Variants in GMDS observed in about 807,000 individuals in gnomAD.
GMDS encodes the protein GDP-mannose 4,6 dehydratase.
In GMDS, 20 loss-of-function variants were observed where a neutral mutation model predicts 49.9. The ratio of observed to expected loss-of-function variants is 0.40; its 90% CI spans 0.28 to 0.58. The LOEUF (loss-of-function observed/expected upper bound fraction) is 0.58. GMDS is among the 20% of genes least tolerant of loss of function. The pLI is 0.42. For missense variants in GMDS, 362 were observed against 481.4 expected, an observed-to-expected ratio of 0.75 and a Z score of 2.32; for synonymous variants, 177 against 178.6, an observed-to-expected ratio of 0.99 and a Z score of 0.07.
intron 7 of GMDS, among the ~76,000 whole-genome samples, chr6:1,804,149 GCGCTGT>G (rs1372772554): frequency 6.6e-6 from 1 of 152,178 alleles, no homozygotes; most frequent in African/African-American, 2.4e-5. Context: ...TTAATAAGAT[GCGCTGT>G]TTCCTTTTTG....
intron 4 of GMDS, among the ~76,000 whole-genome samples, chr6:1,973,295 C>A (rs936755): frequency 0.61 from 92,734 of 151,980 alleles, 28,377 homozygotes; most frequent in East Asian, 0.67. Context: ...TAAACAATTA[C>A]ATTAGCTTTT....
At chr6:1,938,026 G>A (rs1762634976) in intron 6 of GMDS, among the ~76,000 whole-genome samples, 2 of 152,032 alleles carry the variant, frequency 1.3e-5, no homozygotes, top group African/African-American at 4.8e-5. Context: ...AAAAAAAAGG[G>A]GGATACTTGA....
intron 4 of GMDS, among the ~76,000 whole-genome samples, chr6:2,098,081 G>A (rs893536687): frequency 2.6e-5 from 4 of 151,112 alleles, no homozygotes; most frequent in East Asian, 1.9e-4. Context: ...TTTTTGAGAC[G>A]AAATCTCTTT....
chr6:2,082,457 A>G (rs1385149178), intron 4 of GMDS, among the ~76,000 whole-genome samples: 1 of 152,232 alleles, frequency 6.6e-6, no homozygotes, highest in Non-Finnish European at 1.5e-5. Context: ...AGGTCCCCTC[A>G]TAAAATTGCA....
Position 1,778,021 on chromosome 6 carries a change from A to G in GMDS, c.772-35435T>C, listed in dbSNP as rs1768910338. Among the ~76,000 whole-genome samples the G allele has an allele frequency of 6.6e-6, 1 of 152,206 alleles. No homozygotes were observed. Among genetic ancestry groups the G allele is most frequent in the South Asian group, 2.1e-4 (1 of 4,826 alleles). On this transcript the variant is annotated intron_variant, in intron 7 of 10. Coordinates refer to ENST00000380815, the MANE Select transcript of GMDS (RefSeq NM_001500.4). The surrounding 1 kb of genome is among the most constrained non-coding windows in gnomAD (Gnocchi z 4.6). ...GAGCTGAATGGAAATTTCAATAAAGAGGGCCACAAAGAAGCATTTGTAAGC... is the reference window on the plus strand; with the variant it reads ...GAGCTGAATGGAAATTTCAATAAAGGGGGCCACAAAGAAGCATTTGTAAGC...
At position 1,743,737 on chromosome 6, in the gene GMDS, AT is replaced by A. The variant is rs11458257; in HGVS notation, c.772-1152del. Among the ~76,000 whole-genome samples, 83 of 146,002 alleles carry A rather than the reference AT, an allele frequency of 5.7e-4. 1 individual carries two copies. Among genetic ancestry groups the A allele is most frequent in the East Asian group, 3.2e-3 (16 of 5,014 alleles). ...TGTATCTCGCAATTGCACCTTAAAGATTTTTTTTTTTAATACAGATAGGAGA... is the reference window on the plus strand; with the variant it reads ...TGTATCTCGCAATTGCACCTTAAAGATTTTTTTTTTAATACAGATAGGAGA... On this transcript the variant is annotated intron_variant, in intron 7 of 10. Coordinates refer to ENST00000380815, the MANE Select transcript of GMDS (RefSeq NM_001500.4).
At chr6:1,716,002 C>CA (rs553808042) in intron 9 of GMDS, among the ~76,000 whole-genome samples, 29 of 152,208 alleles carry the variant, frequency 1.9e-4, no homozygotes, top group Admixed American at 5.2e-4. Flanking sequence ...GACCTCTTTT[C>CA]AAAAAATAAT....
chr6:1,784,074 G>A (rs976825583), intron 7 of GMDS, among the ~76,000 whole-genome samples: 1 of 152,138 alleles, frequency 6.6e-6, no homozygotes, highest in Non-Finnish European at 1.5e-5. Flanking sequence ...AATTAAATCT[G>A]TTGTAATAAA....
At chr6:2,067,402 A>G (rs1318315644) in intron 4 of GMDS, among the ~76,000 whole-genome samples, 1 of 150,522 alleles carries the variant, frequency 6.6e-6, no homozygotes, top group African/African-American at 2.4e-5. Context: ...GAAGGCAAGA[A>G]ATAACTAAAA....
intron 9 of GMDS, among the ~76,000 whole-genome samples, chr6:1,669,489 T>C (rs567444854): frequency 3.2e-4 from 49 of 152,326 alleles, no homozygotes; most frequent in African/African-American, 1.2e-3. Flanking sequence ...CACCTTCCTA[T>C]GTCATGTAAA....
chr6:2,004,653 T>A (rs765093924), intron 4 of GMDS, among the ~76,000 whole-genome samples: 8 of 152,084 alleles, frequency 5.3e-5, no homozygotes, highest in Non-Finnish European at 1.2e-4. Context: ...ATCACTGAAC[T>A]TAGCGGGTGA....
intron 4 of GMDS, among the ~76,000 whole-genome samples, chr6:1,995,802 C>T (rs1401119808): frequency 6.6e-6 from 1 of 152,222 alleles, no homozygotes; most frequent in Non-Finnish European, 1.5e-5. Context: ...GGAAGAGAAG[C>T]TGAACCTGGT....
At chr6:1,714,714 G>C (rs543700427) in intron 9 of GMDS, among the ~76,000 whole-genome samples, 1 of 152,228 alleles carries the variant, frequency 6.6e-6, no homozygotes, top group East Asian at 1.9e-4. Flanking sequence ...GCTCAGAGCC[G>C]GCAATGCCTC....
At chr6:1,831,187 G>A (rs949703297) in intron 7 of GMDS, among the ~76,000 whole-genome samples, 3 of 152,174 alleles carry the variant, frequency 2.0e-5, no homozygotes, top group Non-Finnish European at 4.4e-5. Flanking sequence ...AAATCATTCC[G>A]CTGGTTACAC....
chr6:1,907,283 C>T (rs766218314), intron 7 of GMDS, among the ~76,000 whole-genome samples: 5 of 152,096 alleles, frequency 3.3e-5, no homozygotes, highest in Non-Finnish European at 7.3e-5. Flanking sequence ...AGATGAGAAA[C>T]TGGTGGATGG....
chr6:2,203,474 T>C (rs576441464), intron 1 of GMDS, among the ~76,000 whole-genome samples: 18 of 151,706 alleles, frequency 1.2e-4, no homozygotes, highest in Non-Finnish European at 2.1e-4. Flanking sequence ...GAGTTCCTGT[T>C]ATTGACTTAT....
rs1218804974 is a variant in GMDS, at chr6:1,723,401, A to G, written c.987+3015T>C. On this transcript the variant is annotated intron_variant, in intron 9 of 10. Coordinates refer to ENST00000380815, the MANE Select transcript of GMDS (RefSeq NM_001500.4). Reference sequence around the variant, plus strand: ...GAGTGCAGTGGCACGACCTTGGCTCACTGAAAGCTCCGCCTCCCGGGTTCA... The same window carrying G: ...GAGTGCAGTGGCACGACCTTGGCTCGCTGAAAGCTCCGCCTCCCGGGTTCA... 3.5e-5 allele frequency among the ~76,000 whole-genome samples: 5 copies of G among 142,418 alleles called. 1 individual carries two copies. The highest frequency in any genetic ancestry group is 3.0e-4 in the Admixed American group (4 of 13,374). 93.4% of individuals were successfully genotyped at this position (142,418 alleles called of 152,430 possible). A position where few individuals can be genotyped will look rare whatever the true frequency, so the allele number is the denominator to read the frequency against.
chr6:1,890,321 T>C (rs1759811947), intron 7 of GMDS, among the ~76,000 whole-genome samples: 1 of 152,362 alleles, frequency 6.6e-6, no homozygotes, highest in East Asian at 1.9e-4. Context: ...CCTTAATGAC[T>C]AATGGTGCGG....
intron 4 of GMDS, among the ~76,000 whole-genome samples, chr6:2,012,062 T>C (rs1295963569): frequency 6.6e-6 from 1 of 152,068 alleles, no homozygotes; most frequent in Non-Finnish European, 1.5e-5. Context: ...AGTTAAATAA[T>C]GTGTACACAT....
Sources: gnomAD v4.1 joint callset for allele counts (sites outside exome capture counted in the v4.1 genomes callset) on GRCh38, gnomAD v4.1.1 for gene constraint, Gnocchi (gnomAD v3.1) non-coding constraint, MANE v1.5 for transcripts, NCBI Gene and HGNC (gene_info 2026-07-23, HGNC 2026-07-21) for gene names.